ASPM: variants seen among roughly 807,000 people sequenced by gnomAD.
ASPM encodes assembly factor for spindle microtubules.
ASPM carries 256 observed loss-of-function variants against 366.4 expected under a neutral mutation model. That is an observed-to-expected ratio of 0.70 (90% confidence interval 0.63 to 0.77). ASPM has a LOEUF of 0.77. Among genes scored for constraint, ASPM ranks in the 30% least tolerant of loss-of-function variants. The pLI, the probability that ASPM is intolerant of heterozygous loss-of-function variation, is 0.00. For missense variants in ASPM, 4,146 were observed against 4,090.4 expected (o/e 1.01, Z -0.37); for synonymous variants, 1,414 against 1,342.9 (o/e 1.05, Z -1.16).
Position 197,105,191 on chromosome 1 carries a change from A to G in ASPM, c.4066-6T>C. ...GAATATCTTCTCCAATATCCCTGGA[A>G]AAGGTAAGAAAGGACACAAAGTAAA... On this transcript the variant is annotated splice_polypyrimidine_tract_variant and splice_region_variant and intron_variant, in intron 17 of 27. Coordinates refer to ENST00000367409, the MANE Select transcript of ASPM (RefSeq NM_018136.5). The G allele has an allele frequency of 6.3e-7, 1 of 1,590,458 alleles. No homozygotes were observed. The highest frequency in any genetic ancestry group is 8.6e-7 in the Non-Finnish European group (1 of 1,160,240).
Position 197,101,022 on chromosome 1 carries a change from T to A in ASPM, c.8229A>T (p.Arg2743=), listed in dbSNP as rs762498295. Residue 2743 remains arginine, a synonymous_variant, in exon 18 of 28, where the codon CGA becomes CGT. Coordinates refer to ENST00000367409, the MANE Select transcript of ASPM (RefSeq NM_018136.5). ...KNFLAVQKSV[R]TIQAAFRGMK... ...TGCCTCTAAAAGCAGCCTGAATAGT[T>A]CGTACAGATTTCTGAACTGCTAAAA... 3 of 1,612,218 alleles carry A rather than the reference T, an allele frequency of 1.9e-6. No homozygotes were observed. Among genetic ancestry groups the A allele is most frequent in the Non-Finnish European group, 2.5e-6 (3 of 1,179,086 alleles).
chr1:197,145,315 A>G (rs1658732242), intron 1 of ASPM, among the ~76,000 whole-genome samples: 1 of 152,220 alleles, frequency 6.6e-6, no homozygotes. Context: ...TGCAAATGCA[A>G]TGCAGTAAAA....
At chr1:197,110,174 C>G (rs1408391569) in intron 17 of ASPM, among the ~76,000 whole-genome samples, 1 of 152,008 alleles carries the variant, frequency 6.6e-6, no homozygotes, top group Non-Finnish European at 1.5e-5. Flanking sequence ...TTAAGGCTTA[C>G]TATAAAGCTG....
At chr1:197,121,284 A>C (rs1657899266) in intron 16 of ASPM, among the ~76,000 whole-genome samples, 1 of 152,250 alleles carries the variant, frequency 6.6e-6, no homozygotes, top group Non-Finnish European at 1.5e-5. Context: ...TTAAGAAAAA[A>C]ATTTTTTACA....
rs587783273 is a variant in ASPM, at chr1:197,101,410, T to C, written c.7841A>G (p.Asp2614Gly). The C allele has an allele frequency of 9.9e-6, 16 of 1,608,262 alleles. No homozygotes were observed. Among genetic ancestry groups the C allele is most frequent in the Admixed American group, 5.0e-5 (3 of 59,670 alleles). The change falls in exon 18 of 28, where the codon GAC becomes GGC. Residue 2614 changes from aspartate to glycine, a missense_variant. Physicochemically the swap from Asp to Gly is moderately conservative, Grantham distance 94 (BLOSUM62 -1). Transcript: ENST00000367409. Reference protein sequence around the residue: ...KETCVQAGFQDMNIKKQIQEQ... With the variant: ...KETCVQAGFQGMNIKKQIQEQ... ...CTGAATCTGTTTTTTTATGTTCATGTCCTGAAAACCTGCCTGAACACAAGT... is the reference window on the plus strand; with the variant it reads ...CTGAATCTGTTTTTTTATGTTCATGCCCTGAAAACCTGCCTGAACACAAGT...
chr1:197,135,133 G>T lies in ASPM; in HGVS notation c.2136C>A (p.Thr712=). ...GFTWWLNFIL[T]PDDFTVKTNI... is the part of the protein sequence containing the mutation. ...TTGTTTTTACAGTGAAGTCATCAGG[G>T]GTTAATATAAAATTTAACCACCAAG... Residue 712 remains threonine, a synonymous_variant, in exon 5 of 28, where the codon ACC becomes ACA. Coordinates refer to ENST00000367409, the MANE Select transcript of ASPM (RefSeq NM_018136.5). The T allele has an allele frequency of 6.2e-7, 1 of 1,606,706 alleles. No homozygotes were observed. The highest frequency in any genetic ancestry group is 1.3e-5 in the African/African-American group (1 of 74,756).
chr1:197,122,648 C>G, intron 13 of ASPM, 53 bp from the exon 14 acceptor site: 1 of 1,476,480 alleles, frequency 6.8e-7, no homozygotes, highest in Non-Finnish European at 9.3e-7. Context: ...GTAGTATAGA[C>G]ATAATGGTTT....
chr1:197,133,283 G>C (rs1317197328), intron 6 of ASPM, 67 bp downstream of exon 6: 2 of 1,531,440 alleles, frequency 1.3e-6, no homozygotes, highest in South Asian at 2.6e-5. Context: ...AAAGCCGGGG[G>C]AAAAAAACAC....
chr1:197,146,300 C>G lies in ASPM; in HGVS notation c.138G>C (p.Arg46Ser), dbSNP rs752635802. 2.5e-6 allele frequency: 4 copies of G among 1,614,066 alleles called. No homozygotes were observed. Among genetic ancestry groups the G allele is most frequent in the Non-Finnish European group, 1.7e-6 (2 of 1,180,024 alleles). ...PPVLSLSHFC[R>S]SPFLCFGDVL... The stretch of plus-strand genomic sequence containing the variant: ...CGTCCCCGAAGCAAAGGAAAGGAGA[C>G]CTGCAGAAGTGGCTGAGAGACAGGA... Residue 46 changes from arginine (R) to serine (S), a missense_variant, in exon 1 of 28, where the codon AGG (arginine) becomes AGC (serine). Around this residue, in one of 3 missense-constraint regions of ASPM, gnomAD observed 512 missense variants for 471.7 expected, o/e 1.09. Transcript: ENST00000367409.
At position 197,119,287 on chromosome 1, in the gene ASPM, A is replaced by G. The variant is rs141303023; in HGVS notation, c.3871-1304T>C. 1.3e-3 allele frequency among the ~76,000 whole-genome samples: 194 copies of G among 152,294 alleles called. 1 individual carries two copies. The highest frequency in any genetic ancestry group is 2.5e-3 in the African/African-American group (102 of 41,572). On this transcript the variant is annotated intron_variant, in intron 16 of 27. Transcript: ENST00000367409. ...CATTATCAATGCCCTTGTGAAACCT[A>G]TGGGCTTTAGGACTGTAGAGGCTCA...
intron 2 of ASPM, 57 bp downstream of exon 2, chr1:197,143,899 GT>G: frequency 6.4e-7 from 1 of 1,551,068 alleles, no homozygotes; most frequent in African/African-American, 1.4e-5. Flanking sequence ...ATCAAAATAA[GT>G]TTTATTTATT....
intron 1 of ASPM, among the ~76,000 whole-genome samples, chr1:197,145,833 C>T (rs1658753521): frequency 9.0e-6 from 1 of 110,514 alleles, no homozygotes; most frequent in Non-Finnish European, 1.9e-5. Context: ...CTATCCTAGC[C>T]TTCAATTAGA....
chr1:197,089,996 A>G lies in ASPM; in HGVS notation c.9918T>C (p.Cys3306=), dbSNP rs1571588067. ...CTTCCATACAAGGAATACTGCGATT[A>G]CAACTTCGGATCAAAACAAATATTT... is the stretch of plus-strand genomic sequence containing the variant. ...ISKIFVLIRS[C]NRSIPCMEVI... Residue 3306 remains cysteine (C), a synonymous_variant, in exon 25 of 28, where the codon TGT becomes TGC. Coordinates refer to ENST00000367409, the MANE Select transcript of ASPM (RefSeq NM_018136.5). 1 of 1,613,354 alleles carries G rather than the reference A, an allele frequency of 6.2e-7. No homozygotes were observed. The highest frequency in any genetic ancestry group is 2.2e-5 in the East Asian group (1 of 44,780).
In ASPM at chr1:197,094,177, A is replaced by C; in HGVS notation, c.8991T>G (p.Phe2997Leu). 6.3e-6 allele frequency: 10 copies of C among 1,597,408 alleles called. No homozygotes were observed. The highest frequency in any genetic ancestry group is 8.6e-6 in the Non-Finnish European group (10 of 1,167,738). Residue 2997 changes from phenylalanine to leucine, a missense_variant, in exon 20 of 28, where the codon TTT becomes TTG. Phe to Leu is a conservative substitution (Grantham distance 22). Transcript: ENST00000367409. ...CFYTKLERTR[F>L]LNVRASAIII... ...TAATTGCTGATGCTCTCACATTCAA[A>C]AACCTAAAAAGTAGTTATTGGAAAG...
In ASPM at chr1:197,143,103, T is replaced by G. The variant is rs1271193742; in HGVS notation, c.1149A>C (p.Glu383Asp). The change falls in exon 3 of 28, where the codon GAA becomes GAC. Residue 383 changes from glutamate (E) to aspartate (D), a missense_variant. Physicochemically the swap from Glu to Asp is conservative, Grantham distance 45. Transcript: ENST00000367409. ...KDNYGLNQDLESESVNPILSP... is the reference protein window; with the variant it reads ...KDNYGLNQDLDSESVNPILSP... Reference sequence around the variant, plus strand: ...ATAAAATAGGATTAACTGACTCTGATTCTAGATCCTGATTTAGTCCATAAT... The same window carrying G: ...ATAAAATAGGATTAACTGACTCTGAGTCTAGATCCTGATTTAGTCCATAAT... 17 of 1,613,122 alleles carry G rather than the reference T, an allele frequency of 1.1e-5. No individual in the cohort carries two copies. Among genetic ancestry groups the G allele is most frequent in the Admixed American group, 1.7e-5 (1 of 59,998 alleles).
chr1:197,087,596 G>A (rs1297507867), intron 26 of ASPM, among the ~76,000 whole-genome samples: 1 of 152,086 alleles, frequency 6.6e-6, no homozygotes, highest in Non-Finnish European at 1.5e-5. Context: ...GTCTTGAAAA[G>A]TTTACCTCTG....
Position 197,093,193 on chromosome 1 carries a change from C to T in ASPM, c.9153G>A (p.Arg3051=). The T allele has an allele frequency of 6.2e-7, 1 of 1,612,604 alleles. No homozygotes were observed. Among genetic ancestry groups the T allele is most frequent in the Non-Finnish European group, 8.5e-7 (1 of 1,179,000 alleles). Reference sequence around the variant, plus strand: ...GTATGATCAAAGCAGCAGATTTCTGCCGAAGAAAGACCTGCCTTCCTTTAT... The same window carrying T: ...GTATGATCAAAGCAGCAGATTTCTGTCGAAGAAAGACCTGCCTTCCTTTAT... ...RGYKGRQVFL[R]QKSAALIIQK... is the part of the protein sequence containing the mutation. The change falls in exon 21 of 28, where the codon CGG becomes CGA. Residue 3051 remains arginine, a synonymous_variant. Transcript: ENST00000367409.
chr1:197,090,992 T>C lies in ASPM; in HGVS notation c.9494A>G (p.His3165Arg), dbSNP rs759911966. 2 of 1,612,442 alleles carry C rather than the reference T, an allele frequency of 1.2e-6. No homozygotes were observed. The highest frequency in any genetic ancestry group is 1.7e-6 in the Non-Finnish European group (2 of 1,178,964). The change falls in exon 23 of 28, where the codon CAT (histidine) becomes CGT (arginine). Residue 3165 changes from histidine to arginine, a missense_variant. His to Arg is a conservative substitution (Grantham distance 29). This residue lies in a region of ASPM where 3,624 missense variants were observed against 3,591.7 expected (regional missense o/e 1.01). Transcript: ENST00000367409. Reference protein sequence around the residue: ...LQEKRFIQKYHSIKKIEHEGQ... With the variant: ...LQEKRFIQKYRSIKKIEHEGQ... ...TTCATGCTCAATCTTTTTGATGCTA[T>C]GATATTTCTGAATAAATCTCTTTTC...
chr1:197,119,518 A>G (rs1431270782), intron 16 of ASPM, among the ~76,000 whole-genome samples: 1 of 152,176 alleles, frequency 6.6e-6, no homozygotes, highest in Non-Finnish European at 1.5e-5. Flanking sequence ...ATGCCATTAG[A>G]GAATTTAAAG....
Sources: gnomAD v4.1 joint callset for allele counts (sites outside exome capture counted in the v4.1 genomes callset) on GRCh38, gnomAD v4.1.1 for gene constraint, gnomAD v4.1.1 regional missense constraint, MANE v1.5 for transcripts, NCBI Gene and HGNC (gene_info 2026-07-23, HGNC 2026-07-21) for gene names.